The following RASEF variants were observed in gnomAD, a reference collection of about 807,000 sequenced individuals.
RASEF encodes RAS and EF-hand domain containing.
RASEF carries 68 observed loss-of-function variants against 90.1 expected under a neutral mutation model. The ratio of observed to expected loss-of-function variants is 0.75; its 90% CI spans 0.62 to 0.92. RASEF has a LOEUF of 0.92. Among genes scored for constraint, RASEF ranks in the 40% least tolerant of loss-of-function variants. The probability of loss-of-function intolerance (pLI) is 0.00; values close to 1 mark genes in which losing one functional copy is unlikely to be tolerated. For missense variants in RASEF, 949 were observed against 937.2 expected, an observed-to-expected ratio of 1.01 and a Z score of -0.16; for synonymous variants, 331 against 345.2, an observed-to-expected ratio of 0.96 and a Z score of 0.46.
chr9:83,077,377 C>A, the RASEF span, among the ~76,000 whole-genome samples: 205 of 152,182 alleles, frequency 1.3e-3, 1 homozygote, highest in African/African-American at 4.8e-3. Context: ...TGGATAGGAA[C>A]AAGAGGATGA....
the RASEF span, among the ~76,000 whole-genome samples, chr9:83,078,481 A>C: frequency 6.6e-6 from 1 of 152,154 alleles, no homozygotes; most frequent in Non-Finnish European, 1.5e-5. Flanking sequence ...AGCCTGGCCA[A>C]AATAGTGAAA....
chr9:83,109,099 T>C, the RASEF span, among the ~76,000 whole-genome samples: 2 of 151,838 alleles, frequency 1.3e-5, no homozygotes, highest in Non-Finnish European at 2.9e-5. Flanking sequence ...TCAGTCTCAA[T>C]ATAGAAGAAG....
At chr9:83,189,351 G>A in the RASEF span, among the ~76,000 whole-genome samples, 1 of 152,172 alleles carries the variant, frequency 6.6e-6, no homozygotes, top group Non-Finnish European at 1.5e-5. Flanking sequence ...ATGCTGCACT[G>A]TGAGTCAATT....
the RASEF span, among the ~76,000 whole-genome samples, chr9:83,191,086 T>G: frequency 6.6e-6 from 1 of 152,160 alleles, no homozygotes; most frequent in Non-Finnish European, 1.5e-5. Flanking sequence ...AGAAAAGAAA[T>G]TTAGCACTTA....
chr9:83,074,195 A>T, the RASEF span, among the ~76,000 whole-genome samples: 2 of 152,222 alleles, frequency 1.3e-5, no homozygotes, highest in Non-Finnish European at 2.9e-5. Flanking sequence ...AGAATCTTCA[A>T]TCTAACAACA....
chr9:83,064,602 T>C (rs1258115780), upstream of RASEF, among the ~76,000 whole-genome samples: 1 of 152,228 alleles, frequency 6.6e-6, no homozygotes, highest in Non-Finnish European at 1.5e-5. Flanking sequence ...TCTTTAAAAA[T>C]AGATGCTTTC....
chr9:83,014,498 G>A (rs1190210613), intron 4 of RASEF, among the ~76,000 whole-genome samples: 1 of 151,880 alleles, frequency 6.6e-6, no homozygotes, highest in South Asian at 2.1e-4. Flanking sequence ...ATTTATTTTT[G>A]CAGTGGTGGG....
rs550029746 is a variant in RASEF, at chr9:83,004,414, AT to A, written c.1202+83del. The A allele has an allele frequency of 6.1e-3, 3,732 of 609,148 alleles. 98 individuals carry two copies. In the African/African-American group the frequency reaches 0.077, roughly 13 times the overall value. The allele number at this position is 609,148 out of a possible 1,614,324, so 37.7% of individuals were successfully genotyped here. On this transcript the variant is annotated intron_variant, in intron 9 of 16. Coordinates refer to ENST00000376447, the MANE Select transcript of RASEF (RefSeq NM_152573.4). The stretch of plus-strand genomic sequence containing the variant: ...ATTAGTGACCAAAGTATATTCTATT[AT>A]TTTAATCCACCTCCAAGGAAATTTA...
At chr9:83,186,040 G>A in the RASEF span, among the ~76,000 whole-genome samples, 1 of 152,176 alleles carries the variant, frequency 6.6e-6, no homozygotes, top group Non-Finnish European at 1.5e-5. Flanking sequence ...TGAGTTGAGT[G>A]TGAAGCTACA....
chr9:83,044,818 A>G (rs2049510540), intron 1 of RASEF, among the ~76,000 whole-genome samples: 1 of 152,228 alleles, frequency 6.6e-6, no homozygotes, highest in African/African-American at 2.4e-5. Context: ...TACTCTGTAC[A>G]TGAGATTAAC....
At chr9:83,210,731 T>C in the RASEF span, among the ~76,000 whole-genome samples, 2 of 152,244 alleles carry the variant, frequency 1.3e-5, no homozygotes, top group Non-Finnish European at 2.9e-5. Flanking sequence ...AAAACATTTA[T>C]TTTGAAACAA....
chr9:83,106,743 C>T, the RASEF span, among the ~76,000 whole-genome samples: 1 of 149,142 alleles, frequency 6.7e-6, no homozygotes, highest in African/African-American at 2.5e-5. Flanking sequence ...ACTTATAAAC[C>T]ATTTTATTAA....
At chr9:83,129,914 A>G in the RASEF span, among the ~76,000 whole-genome samples, 1 of 152,246 alleles carries the variant, frequency 6.6e-6, no homozygotes, top group African/African-American at 2.4e-5. Context: ...AAGGTACATA[A>G]TAGATTTTAT....
At chr9:83,034,639 T>C (rs1013008712) in intron 1 of RASEF, among the ~76,000 whole-genome samples, 3 of 152,176 alleles carry the variant, frequency 2.0e-5, no homozygotes, top group African/African-American at 7.2e-5. Context: ...GGCAGGAGGA[T>C]AGAAACAGCA....
chr9:82,980,574 T>A lies in RASEF; in HGVS notation c.*2103A>T, dbSNP rs1049399654. The A allele has an allele frequency of 2.0e-5, 3 of 152,154 alleles. No homozygotes were observed. Among genetic ancestry groups the A allele is most frequent in the African/African-American group, 7.2e-5 (3 of 41,442 alleles). 9.4% of individuals were successfully genotyped at this position (152,154 alleles called of 1,614,324 possible). A position where few individuals can be genotyped will look rare whatever the true frequency, so the allele number is the denominator to read the frequency against. Reference sequence around the variant, plus strand: ...TCTTTCACAGATTGTAAAACAAATATAAAGAGACACTTTGGAGAGAATAAA... The same window carrying A: ...TCTTTCACAGATTGTAAAACAAATAAAAAGAGACACTTTGGAGAGAATAAA... On this transcript the variant is annotated 3_prime_UTR_variant, in exon 17 of 17. Coordinates refer to ENST00000376447, the MANE Select transcript of RASEF (RefSeq NM_152573.4).
intron 1 of RASEF, among the ~76,000 whole-genome samples, chr9:83,049,529 C>CTTT (rs10687615): frequency 0.29 from 28,580 of 98,482 alleles, 3,988 homozygotes; most frequent in African/African-American, 0.35. Context: ...TTCTGCCTTC[C>CTTT]TTTTTTTTTT....
upstream of RASEF, among the ~76,000 whole-genome samples, chr9:83,065,663 A>G (rs115842083): frequency 7.7e-3 from 1,169 of 152,320 alleles, 16 homozygotes; most frequent in African/African-American, 0.027. Context: ...TAAGGTAAAG[A>G]GACAGCCTCT....
chr9:83,205,788 A>G, the RASEF span, among the ~76,000 whole-genome samples: 1 of 152,332 alleles, frequency 6.6e-6, no homozygotes, highest in Admixed American at 6.5e-5. Flanking sequence ...AAATGTTTAA[A>G]TGTTTAAAAT....
At chr9:83,024,120 A>T (rs752807975) in intron 2 of RASEF, among the ~76,000 whole-genome samples, 3 of 152,212 alleles carry the variant, frequency 2.0e-5, no homozygotes, top group Non-Finnish European at 4.4e-5. Flanking sequence ...ATGGTTTACA[A>T]GTAGCCATTT....
Sources: allele counts gnomAD v4.1 joint callset (sites outside exome capture counted in the v4.1 genomes callset), GRCh38; gene constraint gnomAD v4.1.1; transcripts MANE v1.5; gene names NCBI Gene and HGNC (gene_info 2026-07-23, HGNC 2026-07-21).